CENPS: variants seen among roughly 807,000 people sequenced by gnomAD.
The protein encoded by CENPS is FANCM associated histone fold protein 1.
CENPS carries 16 observed loss-of-function variants against 17.9 expected under a neutral mutation model. That is an observed-to-expected ratio of 0.90 (90% confidence interval 0.61 to 1.36). The LOEUF (loss-of-function observed/expected upper bound fraction) is 1.36. Among genes scored for constraint, CENPS ranks in the 40% most tolerant of loss-of-function variants. The probability of loss-of-function intolerance (pLI) is 0.00; values close to 1 mark genes in which losing one functional copy is unlikely to be tolerated. For missense variants in CENPS, 160 were observed against 158.6 expected, an observed-to-expected ratio of 1.01 and a Z score of -0.05; for synonymous variants, 49 against 55.8, an observed-to-expected ratio of 0.88 and a Z score of 0.54.
chr1:10,440,007 G>C (rs958396305), intron 3 of CENPS: 8 of 298,516 alleles, frequency 2.7e-5, no homozygotes, highest in East Asian at 7.7e-5. Context: ...GTTGTACACT[G>C]ACCTTCTTGA....
chr1:10,430,784 A>G (rs1639872359), intron 1 of CENPS: 1 of 1,378,194 alleles, frequency 7.3e-7, no homozygotes, highest in East Asian at 3.0e-5. Context: ...GCTGGGGAGG[A>G]AGCGGTTCTA....
At chr1:10,430,952 G>T in intron 1 of CENPS, 1 of 1,251,210 alleles carries the variant, frequency 8.0e-7, no homozygotes, top group Non-Finnish European at 1.0e-6. Context: ...GGTTCGGGCC[G>T]GAGCTCTGGA....
At chr1:10,432,088 TG>T (rs772003919) in intron 1 of CENPS, among the ~76,000 whole-genome samples, 10 of 151,856 alleles carry the variant, frequency 6.6e-5, no homozygotes, top group Non-Finnish European at 1.5e-4. Flanking sequence ...TTTTTTTGGT[TG>T]GTTTTTGTTT....
intron 4 of CENPS, 85 bp from the exon 5 acceptor site, chr1:10,442,180 G>A: frequency 6.7e-7 from 1 of 1,488,330 alleles, no homozygotes; most frequent in Non-Finnish European, 8.9e-7. Flanking sequence ...AGAGGTGGTT[G>A]TGGAGGGTTT....
intron 1 of CENPS, among the ~76,000 whole-genome samples, chr1:10,432,914 C>T (rs781607227): frequency 1.4e-4 from 22 of 152,282 alleles, no homozygotes; most frequent in Middle Eastern, 3.4e-3. Flanking sequence ...GAGGCCTCAG[C>T]TTACCTAGTC....
chr1:10,438,685 G>A (rs977318199), intron 3 of CENPS, among the ~76,000 whole-genome samples: 5 of 152,176 alleles, frequency 3.3e-5, no homozygotes, highest in Middle Eastern at 3.4e-3. Context: ...ATGCAGTGGC[G>A]GGCAGAGGAT....
chr1:10,434,743 C>T, intron 3 of CENPS, 53 bp downstream of exon 3: 2 of 1,548,580 alleles, frequency 1.3e-6, no homozygotes, highest in Non-Finnish European at 1.7e-6. Context: ...TTTTTGGGGC[C>T]TCTCCATCTG....
At chr1:10,431,525 G>A (rs983531192) in intron 1 of CENPS, 113 of 1,225,016 alleles carry the variant, frequency 9.2e-5, no homozygotes, top group Admixed American at 5.3e-4. Context: ...TTGACACTTC[G>A]CCTTTACATT....
intron 1 of CENPS, among the ~76,000 whole-genome samples, chr1:10,433,009 G>C (rs528067234): frequency 6.6e-5 from 10 of 152,306 alleles, no homozygotes; most frequent in Non-Finnish European, 1.5e-4. Flanking sequence ...GGTTTTGGCA[G>C]TTCCTCCTCC....
chr1:10,440,947 C>T (rs1159942613), intron 4 of CENPS, among the ~76,000 whole-genome samples: 1 of 152,234 alleles, frequency 6.6e-6, no homozygotes, highest in Non-Finnish European at 1.5e-5. Flanking sequence ...GCTTTCCTGA[C>T]TGAGTGTAAT....
Position 10,433,857 on chromosome 1 carries a change from G to T in CENPS, c.67G>T (p.Val23Phe). The change falls in exon 2 of 5, where the codon GTT becomes TTT. Residue 23 changes from valine to phenylalanine, a missense_variant. Physicochemically the swap from Val to Phe is conservative, Grantham distance 50. Transcript: ENST00000309048. ...FSYQQRLKAA[V>F]HYTVGCLCEE... ...TTTTCCCCAGAGGCTAAAGGCAGCAGTTCACTATACTGTGGGTTGTCTTTG... is the reference window on the plus strand; with the variant it reads ...TTTTCCCCAGAGGCTAAAGGCAGCATTTCACTATACTGTGGGTTGTCTTTG... 2.5e-6 allele frequency: 4 copies of T among 1,614,180 alleles called. No homozygotes were observed. The East Asian group carries it at 8.9e-5, about 36-fold the overall frequency.
chr1:10,430,751 C>T (rs1639868904), intron 1 of CENPS, 183 bp downstream of exon 1: 1 of 1,402,386 alleles, frequency 7.1e-7, no homozygotes. Flanking sequence ...CGCGGCAACG[C>T]GGCTGGACCC....
At chr1:10,433,110 C>T (rs748494259) in intron 1 of CENPS, among the ~76,000 whole-genome samples, 22 of 152,130 alleles carry the variant, frequency 1.4e-4, no homozygotes, top group Admixed American at 5.2e-4. Context: ...TCTTCGGCCC[C>T]GAGGCGGAGT....
chr1:10,438,451 G>A (rs1307162298), intron 3 of CENPS, among the ~76,000 whole-genome samples: 1 of 152,180 alleles, frequency 6.6e-6, no homozygotes, highest in Non-Finnish European at 1.5e-5. Context: ...GGCCTGAGTT[G>A]TGAATTTCTT....
rs1639862404 is a variant in CENPS at position 10,430,671 on chromosome 1, C to T, written c.51+103C>T. On this transcript the variant is annotated intron_variant, in intron 1 of 4. Transcript: ENST00000309048. ...CCGGCGGCTTCTCATCGGCACCCCG[C>T]CCCCGGGCGCCCCCCGCGGCTGCGC... 4 of 1,439,320 alleles carry T rather than the reference C, an allele frequency of 2.8e-6. No individual in the cohort carries two copies. In the Admixed American group the frequency reaches 8.4e-5, roughly 30 times the overall value. The allele number at this position is 1,439,320 out of a possible 1,614,324, so 89.2% of individuals were successfully genotyped here.
chr1:10,439,485 C>T (rs537569757), intron 3 of CENPS, among the ~76,000 whole-genome samples: 20 of 152,264 alleles, frequency 1.3e-4, no homozygotes, highest in Non-Finnish European at 2.5e-4. Context: ...TGGTGGCTCA[C>T]GCCTGTAATC....
At chr1:10,430,840 T>A (rs1639875821) in intron 1 of CENPS, 9 of 1,335,502 alleles carry the variant, frequency 6.7e-6, no homozygotes, top group Non-Finnish European at 7.6e-6. Flanking sequence ...GGCCACCTTC[T>A]GGCCTTGCGA....
At chr1:10,430,795 G>A (rs1639872911) in intron 1 of CENPS, 2 of 1,366,248 alleles carry the variant, frequency 1.5e-6, no homozygotes, top group Admixed American at 3.7e-5. Context: ...AGCGGTTCTA[G>A]GGGAGCGTGC....
At chr1:10,439,556 A>T (rs892784133) in intron 3 of CENPS, among the ~76,000 whole-genome samples, 1 of 152,072 alleles carries the variant, frequency 6.6e-6, no homozygotes, top group African/African-American at 2.4e-5. Context: ...CCTGGCCAAG[A>T]TGGTGAAATC....
Sources: allele counts gnomAD v4.1 joint callset (sites outside exome capture counted in the v4.1 genomes callset), GRCh38; gene constraint gnomAD v4.1.1; transcripts MANE v1.5; gene names NCBI Gene and HGNC (gene_info 2026-07-23, HGNC 2026-07-21).